PRKG1: variants seen among roughly 807,000 people sequenced by gnomAD.
PRKG1 encodes the protein cGMP-dependent protein kinase 1.
Under a neutral mutation model 88.1 loss-of-function variants are expected in PRKG1, and 35 were observed. That is an observed-to-expected ratio of 0.40 (90% CI 0.30 to 0.53). The LOEUF (loss-of-function observed/expected upper bound fraction) is 0.53. PRKG1 is among the 20% of genes least tolerant of loss of function. The probability of loss-of-function intolerance (pLI) is 0.59; values close to 1 mark genes in which losing one functional copy is unlikely to be tolerated. For missense variants in PRKG1, 540 were observed against 839.8 expected, an observed-to-expected ratio of 0.64 and a Z score of 4.41; for synonymous variants, 303 against 292.5, an observed-to-expected ratio of 1.04 and a Z score of -0.37.
At chr10:51,293,890 T>C (rs1840648733) in intron 2 of PRKG1, among the ~76,000 whole-genome samples, 2 of 152,126 alleles carry the variant, frequency 1.3e-5, no homozygotes, top group Admixed American at 1.3e-4. Flanking sequence ...CACCAACATT[T>C]CTGTCTTTTT....
chr10:51,770,688 C>T (rs1838281502), intron 3 of PRKG1, among the ~76,000 whole-genome samples: 1 of 152,138 alleles, frequency 6.6e-6, no homozygotes, highest in Non-Finnish European at 1.5e-5. Context: ...CTAGGTTGTG[C>T]ACTCTTTAAG....
chr10:52,022,603 A>G (rs1214309420), intron 5 of PRKG1, among the ~76,000 whole-genome samples: 2 of 152,194 alleles, frequency 1.3e-5, no homozygotes, highest in African/African-American at 4.8e-5. Flanking sequence ...GAATAGGCAG[A>G]ATAATATGAA....
chr10:51,374,664 A>C (rs1282894784), intron 2 of PRKG1, among the ~76,000 whole-genome samples: 4 of 152,284 alleles, frequency 2.6e-5, no homozygotes, highest in African/African-American at 9.6e-5. Context: ...TCTTGGAAGC[A>C]GAGAGCAGCC....
At chr10:51,465,742 A>C (rs1839889332) in intron 2 of PRKG1, among the ~76,000 whole-genome samples, 1 of 152,196 alleles carries the variant, frequency 6.6e-6, no homozygotes, top group Non-Finnish European at 1.5e-5. Flanking sequence ...AGGGGAAATT[A>C]AAAACCTCTA....
intron 7 of PRKG1, among the ~76,000 whole-genome samples, chr10:52,080,599 T>C (rs1010768376): frequency 1.3e-5 from 2 of 152,190 alleles, no homozygotes; most frequent in Admixed American, 1.3e-4. Flanking sequence ...GGTTGATAAG[T>C]ACAAAAGTAA....
intron 5 of PRKG1, among the ~76,000 whole-genome samples, chr10:51,927,667 G>A (rs1842608616): frequency 6.6e-6 from 1 of 152,120 alleles, no homozygotes; most frequent in Admixed American, 6.6e-5. Context: ...GGTGGCTAAA[G>A]ACAGCAGGAA....
At chr10:51,799,674 A>T (rs541605561) in intron 3 of PRKG1, among the ~76,000 whole-genome samples, 1 of 152,152 alleles carries the variant, frequency 6.6e-6, no homozygotes, top group Admixed American at 6.6e-5. Flanking sequence ...ACTAAATAGT[A>T]TAAAAGTATT....
At chr10:51,329,420 C>T (rs190897799) in intron 2 of PRKG1, among the ~76,000 whole-genome samples, 5 of 152,274 alleles carry the variant, frequency 3.3e-5, no homozygotes, top group African/African-American at 1.2e-4. Flanking sequence ...TTCCATTGGT[C>T]TATGTGTCTG....
At position 51,078,210 on chromosome 10, in the gene PRKG1, C is replaced by CT. The variant is rs151225499; in HGVS notation, c.311+3312dup. 5.5e-3 allele frequency among the ~76,000 whole-genome samples: 826 copies of CT among 151,282 alleles called. 11 individuals are homozygous for CT. The highest frequency in any genetic ancestry group is 0.018 in the African/African-American group (753 of 41,120). ...TTCACTCCATGTTCTATTTTGTTTC[C>CT]TTTCTTTTTCCTTTGTTGTTGTTGT... On this transcript the variant is annotated intron_variant, in intron 1 of 17. Coordinates refer to ENST00000373980, the MANE Select transcript of PRKG1 (RefSeq NM_006258.4).
chr10:51,726,469 C>G (rs574469321), intron 3 of PRKG1, among the ~76,000 whole-genome samples: 1 of 152,270 alleles, frequency 6.6e-6, no homozygotes, highest in South Asian at 2.1e-4. Flanking sequence ...ATTTCTTAAA[C>G]TCTCAGCTAT....
chr10:52,037,608 G>A (rs1051667596), intron 5 of PRKG1, among the ~76,000 whole-genome samples: 1 of 152,076 alleles, frequency 6.6e-6, no homozygotes, highest in African/African-American at 2.4e-5. Flanking sequence ...TCTGATTTGG[G>A]ATAAAGAAAA....
At chr10:51,971,280 A>T (rs1454637998) in intron 5 of PRKG1, among the ~76,000 whole-genome samples, 3 of 151,968 alleles carry the variant, frequency 2.0e-5, no homozygotes, top group African/African-American at 7.2e-5. Context: ...GCTATCCAAT[A>T]ATTTTCCACT....
At chr10:51,969,546 AG>A (rs1843652815) in intron 5 of PRKG1, among the ~76,000 whole-genome samples, 1 of 152,180 alleles carries the variant, frequency 6.6e-6, no homozygotes, top group Non-Finnish European at 1.5e-5. Context: ...GTCATATGAA[AG>A]AACTTTTACA....
At chr10:52,241,860 C>A (rs546579108) in intron 9 of PRKG1, among the ~76,000 whole-genome samples, 3 of 152,282 alleles carry the variant, frequency 2.0e-5, no homozygotes, top group African/African-American at 7.2e-5. Context: ...ATGTTTCCAT[C>A]TTTCTTTGAA....
intron 2 of PRKG1, among the ~76,000 whole-genome samples, chr10:51,296,218 T>A (rs1840716880): frequency 6.6e-6 from 1 of 152,166 alleles, no homozygotes; most frequent in African/African-American, 2.4e-5. Context: ...CCTCCTATTT[T>A]ATTTTTTTGG....
At chr10:52,092,165 AT>A (rs1847072869) in intron 7 of PRKG1, among the ~76,000 whole-genome samples, 1 of 152,112 alleles carries the variant, frequency 6.6e-6, no homozygotes, top group African/African-American at 2.4e-5. Flanking sequence ...TTATGCCTTA[AT>A]TTTACCTGTT....
At chr10:51,947,479 G>T (rs574764337) in intron 5 of PRKG1, among the ~76,000 whole-genome samples, 1 of 152,066 alleles carries the variant, frequency 6.6e-6, no homozygotes. Flanking sequence ...ACTGTCTTCC[G>T]CCCACTGTCT....
intron 2 of PRKG1, among the ~76,000 whole-genome samples, chr10:51,331,758 A>G (rs1252331178): frequency 6.6e-6 from 1 of 152,214 alleles, no homozygotes; most frequent in African/African-American, 2.4e-5. Context: ...TGATCACTGG[A>G]GAGTTCCACT....
chr10:51,878,284 T>TTAAATAA (rs1281680231), intron 4 of PRKG1, among the ~76,000 whole-genome samples: 4 of 151,622 alleles, frequency 2.6e-5, no homozygotes, highest in East Asian at 3.9e-4. Flanking sequence ...CTGCTCACCA[T>TTAAATAA]TAAAGTATGA....
Sources: allele counts gnomAD v4.1 joint callset (sites outside exome capture counted in the v4.1 genomes callset), GRCh38; gene constraint gnomAD v4.1.1; transcripts MANE v1.5; gene names NCBI Gene and HGNC (gene_info 2026-07-23, HGNC 2026-07-21).